Variants in RBM46 observed in about 807,000 individuals in gnomAD.
RBM46 encodes probable RNA-binding protein 46.
RBM46 carries 12 observed loss-of-function variants against 43.3 expected under a neutral mutation model. The observed-to-expected ratio is 0.28, with a 90% CI of 0.18 to 0.45. RBM46 has a LOEUF of 0.45. RBM46 is among the 20% of genes least tolerant of loss of function. RBM46 has a pLI of 1.00. For missense variants in RBM46, 412 were observed against 639.1 expected (o/e 0.64, Z 3.83); for synonymous variants, 205 against 207.6 (o/e 0.99, Z 0.11).
At position 154,828,577 on chromosome 4, in the gene RBM46, AG is replaced by A. The variant is rs1348452114; in HGVS notation, c.*511del. The A allele has an allele frequency of 6.5e-6, 1 of 153,068 alleles. No homozygotes were observed. The highest frequency in any genetic ancestry group is 1.5e-5 in the Non-Finnish European group (1 of 68,366). 9.5% of individuals were successfully genotyped at this position (153,068 alleles called of 1,614,324 possible). A position where few individuals can be genotyped will look rare whatever the true frequency, so the allele number is the denominator to read the frequency against. On this transcript the variant is annotated 3_prime_UTR_variant, in exon 5 of 5. Transcript: ENST00000281722. Reference sequence around the variant, plus strand: ...AGATACAAATTTTGTGCAGTACTAAAGAAAAAGCAGTCTACCATTGTGGTCC... The same window carrying A: ...AGATACAAATTTTGTGCAGTACTAAAAAAAAGCAGTCTACCATTGTGGTCC...
chr4:154,804,871 G>A (rs77438883), intron 4 of RBM46, among the ~76,000 whole-genome samples: 2,748 of 139,528 alleles, frequency 0.02, 40 homozygotes, highest in African/African-American at 0.049. Flanking sequence ...TACATGCTAA[G>A]TGTGCTTTCC....
At chr4:154,816,672 T>A (rs1002790870) in intron 4 of RBM46, among the ~76,000 whole-genome samples, 52 of 152,088 alleles carry the variant, frequency 3.4e-4, no homozygotes, top group Admixed American at 3.3e-4. Context: ...TTCCATCCTT[T>A]ATACACATCT....
intron 4 of RBM46, among the ~76,000 whole-genome samples, chr4:154,812,260 A>G (rs1011938165): frequency 2.6e-5 from 4 of 152,046 alleles, no homozygotes; most frequent in Admixed American, 1.3e-4. Context: ...GTCCTGCCTT[A>G]CCTTTTTTCC....
intron 4 of RBM46, among the ~76,000 whole-genome samples, chr4:154,806,310 C>A (rs528346243): frequency 6.6e-6 from 1 of 151,902 alleles, no homozygotes; most frequent in African/African-American, 2.4e-5. Context: ...ATTGAGAATC[C>A]TTTCTCAGCC....
Position 154,797,870 on chromosome 4 carries a change from G to A in RBM46, c.211G>A (p.Asp71Asn). The change falls in exon 3 of 5, where the codon GAT (aspartate) becomes AAT (asparagine). Residue 71 changes from aspartate to asparagine, a missense_variant. By Grantham distance (23) the Asp-to-Asn change is conservative (BLOSUM62 1). Coordinates refer to ENST00000281722, the MANE Select transcript of RBM46 (RefSeq NM_144979.5). Reference sequence around the variant, plus strand: ...AGTTTTTGTAGGAAAAATACCTCGTGATATGTATGAAGATGAGTTAGTTCC... The same window carrying A: ...AGTTTTTGTAGGAAAAATACCTCGTAATATGTATGAAGATGAGTTAGTTCC... Reference protein sequence around the residue: ...CEVFVGKIPRDMYEDELVPVF... With the variant: ...CEVFVGKIPRNMYEDELVPVF... 7 of 1,587,818 alleles carry A rather than the reference G, an allele frequency of 4.4e-6. No individual in the cohort carries two copies. The highest frequency in any genetic ancestry group is 5.1e-6 in the Non-Finnish European group (6 of 1,169,236).
At chr4:154,817,650 GAT>G (rs1029268641) in intron 4 of RBM46, among the ~76,000 whole-genome samples, 83 of 151,790 alleles carry the variant, frequency 5.5e-4, no homozygotes, top group African/African-American at 2.0e-3. Context: ...CATACATTTT[GAT>G]ATGTTTTATT....
intron 4 of RBM46, among the ~76,000 whole-genome samples, chr4:154,803,471 C>T (rs1205565473): frequency 1.3e-5 from 2 of 151,850 alleles, no homozygotes; most frequent in Non-Finnish European, 2.9e-5. Flanking sequence ...GAGGCTAAGG[C>T]GGGCGGATCA....
At position 154,798,073 on chromosome 4, in the gene RBM46, G is replaced by C. The variant is rs745644706; in HGVS notation, c.414G>C (p.Leu138=). The C allele has an allele frequency of 1.2e-6, 2 of 1,613,728 alleles. No individual in the cohort carries two copies. The highest frequency in any genetic ancestry group is 1.7e-6 in the Non-Finnish European group (2 of 1,179,898). The part of the protein sequence containing the change: ...PGKFIGVCVS[L]DNCRLFIGAI... ...AGTTTATTGGTGTGTGTGTAAGCCT[G>C]GATAATTGTAGATTATTTATTGGAG... The change falls in exon 3 of 5, where the codon CTG becomes CTC. Residue 138 remains leucine (L), a synonymous_variant. Transcript: ENST00000281722.
rs1207561109 is a variant in RBM46, at chr4:154,828,372, T to C, written c.*305T>C. 2.0e-5 allele frequency: 1 copy of C among 48,880 alleles called. No individual in the cohort carries two copies. The highest frequency in any genetic ancestry group is 3.3e-5 in the Non-Finnish European group (1 of 30,714). The allele number at this position is 48,880 out of a possible 1,614,324, so 3.0% of individuals were successfully genotyped here. On this transcript the variant is annotated 3_prime_UTR_variant, in exon 5 of 5. Transcript: ENST00000281722. ...GGCAATAGAACCTAGTCATTTATGT[T>C]TTTTTTTTTTTTTGCATAATTTTAC...
At chr4:154,785,206 A>G (rs1341270408) in intron 1 of RBM46, among the ~76,000 whole-genome samples, 1 of 152,056 alleles carries the variant, frequency 6.6e-6, no homozygotes, top group Non-Finnish European at 1.5e-5. Flanking sequence ...AAAGTCTAGC[A>G]TATGTTTCTA....
chr4:154,784,397 A>AT lies in RBM46; in HGVS notation c.-12+2966dup, dbSNP rs1733656044. ...TGGCAGTACAAATTTGAAAATACAT[A>AT]TTTTTGATAATTGTTAAGAAGGTTA... On this transcript the variant is annotated intron_variant, in intron 1 of 4. Transcript: ENST00000281722. Among the ~76,000 whole-genome samples the AT allele has an allele frequency of 1.3e-5, 2 of 152,184 alleles. 1 individual carries two copies. The highest frequency in any genetic ancestry group is 1.3e-4 in the Admixed American group (2 of 15,278).
chr4:154,783,064 A>G (rs975084553), intron 1 of RBM46, among the ~76,000 whole-genome samples: 2 of 152,156 alleles, frequency 1.3e-5, no homozygotes, highest in Non-Finnish European at 1.5e-5. Flanking sequence ...CACGTTTAAA[A>G]CATTCTACTT....
intron 1 of RBM46, among the ~76,000 whole-genome samples, chr4:154,788,953 T>C (rs186695156): frequency 1.3e-5 from 2 of 152,168 alleles, no homozygotes; most frequent in East Asian, 3.9e-4. Flanking sequence ...CAATTGTGAA[T>C]TGCTTCACAT....
In RBM46 at chr4:154,798,904, A is replaced by G. The variant is rs758266953; in HGVS notation, c.742A>G (p.Thr248Ala). The G allele has an allele frequency of 3.1e-6, 5 of 1,613,094 alleles. No individual in the cohort carries two copies. In the East Asian group the frequency reaches 6.7e-5, roughly 22 times the overall value. Residue 248 changes from threonine to alanine, a missense_variant, in exon 4 of 5, where the codon ACA (threonine) becomes GCA (alanine). By Grantham distance (58) the Thr-to-Ala change is moderately conservative. This residue lies in a region of RBM46 where 54 missense variants were observed against 102.5 expected (regional missense o/e 0.53). Coordinates refer to ENST00000281722, the MANE Select transcript of RBM46 (RefSeq NM_144979.5). ...LYVRNLMIST[T>A]EETIKAEFNK... ...TGTAAGAAATTTAATGATCTCAACT[A>G]CAGAGGAAACAATTAAAGCAGAATT...
chr4:154,801,526 A>G (rs969573259), intron 4 of RBM46, among the ~76,000 whole-genome samples: 1 of 152,228 alleles, frequency 6.6e-6, no homozygotes, highest in South Asian at 2.1e-4. Context: ...TCTTAGAGAA[A>G]AATGGGTCTA....
chr4:154,820,612 A>G lies in RBM46; in HGVS notation c.1403-7256A>G, dbSNP rs190845082. Among the ~76,000 whole-genome samples the G allele has an allele frequency of 3.9e-5, 6 of 152,066 alleles. No individual in the cohort carries two copies. In the East Asian group the frequency reaches 1.2e-3, roughly 29 times the overall value. Reference sequence around the variant, plus strand: ...AAGTTAAAGTGGTTTCTGTATTTTCAGGTCTTCTCAAAACATTTAACATGC... The same window carrying G: ...AAGTTAAAGTGGTTTCTGTATTTTCGGGTCTTCTCAAAACATTTAACATGC... On this transcript the variant is annotated intron_variant, in intron 4 of 4. Coordinates refer to ENST00000281722, the MANE Select transcript of RBM46 (RefSeq NM_144979.5).
intron 4 of RBM46, among the ~76,000 whole-genome samples, chr4:154,810,278 T>A (rs1406266488): frequency 1.3e-5 from 2 of 152,052 alleles, no homozygotes; most frequent in East Asian, 1.9e-4. Context: ...CAAGGTAAAA[T>A]AGGAAAGTTA....
At chr4:154,815,107 C>T (rs1472803380) in intron 4 of RBM46, among the ~76,000 whole-genome samples, 8 of 151,976 alleles carry the variant, frequency 5.3e-5, no homozygotes, top group Non-Finnish European at 1.2e-4. Flanking sequence ...TCTTGTCTGG[C>T]TTCTTTTAAC....
chr4:154,804,842 G>T (rs1734833916), intron 4 of RBM46, among the ~76,000 whole-genome samples: 3 of 131,930 alleles, frequency 2.3e-5, no homozygotes, highest in Non-Finnish European at 3.3e-5. Context: ...TTTTTAAACA[G>T]GTCTTTTTGA....
Sources: gnomAD v4.1 joint callset for allele counts (sites outside exome capture counted in the v4.1 genomes callset) on GRCh38, gnomAD v4.1.1 for gene constraint, gnomAD v4.1.1 regional missense constraint, MANE v1.5 for transcripts, NCBI Gene and HGNC (gene_info 2026-07-23, HGNC 2026-07-21) for gene names.